The following FAM184B variants were observed in gnomAD, a reference collection of about 807,000 sequenced individuals.
The protein encoded by FAM184B is family with sequence similarity 184 member B, also known as protein FAM184B.
A neutral mutation model predicts 135.9 loss-of-function variants in FAM184B; 111 were observed. That is an observed-to-expected ratio of 0.82 (90% confidence interval 0.70 to 0.96). The LOEUF is 0.96. Among genes scored for constraint, FAM184B ranks in the 40% least tolerant of loss-of-function variants. FAM184B has a pLI of 0.00. For synonymous variants in FAM184B, 552 were observed against 524.8 expected (o/e 1.05, Z -0.71); for missense variants, 1,375 against 1,323.9 (o/e 1.04, Z -0.60).
At chr4:17,774,335 T>C (rs2108998924) in intron 1 of FAM184B, among the ~76,000 whole-genome samples, 1 of 152,264 alleles carries the variant, frequency 6.6e-6, no homozygotes, top group East Asian at 1.9e-4. Flanking sequence ...ACCACTGCAC[T>C]GCATCCTGGG....
intron 6 of FAM184B, among the ~76,000 whole-genome samples, chr4:17,688,963 G>A (rs767541302): frequency 7.9e-5 from 12 of 152,172 alleles, no homozygotes; most frequent in African/African-American, 2.4e-4. Flanking sequence ...AAAGGGCTGG[G>A]ATTATAGGCG....
chr4:17,726,018 G>A (rs563771621), intron 1 of FAM184B, among the ~76,000 whole-genome samples: 172 of 152,030 alleles, frequency 1.1e-3, no homozygotes, highest in African/African-American at 3.8e-3. Context: ...CCGCCTCCCA[G>A]GTTCACGCCA....
At chr4:17,738,158 C>G (rs1209700015) in intron 1 of FAM184B, among the ~76,000 whole-genome samples, 1 of 152,032 alleles carries the variant, frequency 6.6e-6, no homozygotes, top group Non-Finnish European at 1.5e-5. Flanking sequence ...GTGACTCAAG[C>G]CAAGCCAAGC....
At chr4:17,686,298 G>C (rs1359311237) in intron 7 of FAM184B, among the ~76,000 whole-genome samples, 1 of 152,244 alleles carries the variant, frequency 6.6e-6, no homozygotes, top group African/African-American at 2.4e-5. Context: ...CCTCAGATCA[G>C]GAAGGGGCAA....
chr4:17,677,711 A>G (rs971630825), intron 7 of FAM184B, among the ~76,000 whole-genome samples: 1 of 152,200 alleles, frequency 6.6e-6, no homozygotes, highest in Admixed American at 6.5e-5. Flanking sequence ...AGGAAAGGAC[A>G]TAACAAAAAA....
intron 7 of FAM184B, among the ~76,000 whole-genome samples, chr4:17,685,451 A>G (rs560196534): frequency 2.1e-4 from 32 of 150,062 alleles, no homozygotes; most frequent in Admixed American, 9.4e-4. Flanking sequence ...TGGGAGGCTG[A>G]GGCAGAAGAA....
intron 10 of FAM184B, among the ~76,000 whole-genome samples, chr4:17,657,594 T>C (rs112714494): frequency 4.6e-5 from 7 of 151,660 alleles, no homozygotes; most frequent in African/African-American, 1.7e-4. Flanking sequence ...AGATTATCCA[T>C]AGTTGTTTAA....
chr4:17,695,385 T>C (rs6814475), intron 5 of FAM184B, among the ~76,000 whole-genome samples: 150,339 of 152,186 alleles, frequency 0.99, 74,286 homozygotes, highest in Middle Eastern at 1. Flanking sequence ...AGGCTGGTCT[T>C]GAACTCCTAA....
chr4:17,780,686 T>A (rs1292054312), intron 1 of FAM184B, among the ~76,000 whole-genome samples: 1 of 152,112 alleles, frequency 6.6e-6, no homozygotes, highest in African/African-American at 2.4e-5. Flanking sequence ...CTAGGCTGCA[T>A]TCCAGGTTTA....
rs145143647 is a variant in FAM184B, at chr4:17,641,058, C to T, written c.2519+998G>A. Reference sequence around the variant, plus strand: ...AAGCAATCCCCCCTCACCAACCTCCCGAGTAGCCGGGACTGCAGGCATGCA... The same window carrying T: ...AAGCAATCCCCCCTCACCAACCTCCTGAGTAGCCGGGACTGCAGGCATGCA... On this transcript the variant is annotated intron_variant, in intron 13 of 17. Transcript: ENST00000265018. 3.9e-5 allele frequency among the ~76,000 whole-genome samples: 6 copies of T among 152,238 alleles called. No homozygotes were observed. In the South Asian group the frequency reaches 1.0e-3, roughly 26 times the overall value.
In FAM184B at chr4:17,629,700, C is replaced by T. The variant is rs1451173627; in HGVS notation, c.*2832G>A. The T allele has an allele frequency of 6.6e-6, 1 of 152,206 alleles. No homozygotes were observed. The highest frequency in any genetic ancestry group is 1.5e-5 in the Non-Finnish European group (1 of 68,036). The allele number at this position is 152,206 out of a possible 1,614,324, so 9.4% of individuals were successfully genotyped here. A position where few individuals can be genotyped will look rare whatever the true frequency, so the allele number is the denominator to read the frequency against. On this transcript the variant is annotated 3_prime_UTR_variant, in exon 18 of 18. Transcript: ENST00000265018. ...AATTTCTCTTCATCTTCACTGTCAC[C>T]TCTACGCCATCACTGTCATCTCTAG... is the stretch of plus-strand genomic sequence containing the variant.
intron 1 of FAM184B, among the ~76,000 whole-genome samples, chr4:17,734,493 A>G (rs1560188876): frequency 4.6e-5 from 7 of 152,282 alleles, no homozygotes; most frequent in Middle Eastern, 3.4e-3. Context: ...AAGAAAAAAC[A>G]AACAACCCCA....
rs1368503433 is a variant in FAM184B, at chr4:17,705,884, C to T, written c.1038G>A (p.Met346Ile). The change falls in exon 4 of 18, where the codon ATG becomes ATA. Residue 346 changes from methionine to isoleucine, a missense_variant. By Grantham distance (10) the Met-to-Ile change is conservative. Coordinates refer to ENST00000265018, the MANE Select transcript of FAM184B (RefSeq NM_015688.2). ...TGTTCTCTGAAACTAACTCAGTCTT[C>T]ATGGCATCTGCAAGCATACATTTCA... is the stretch of plus-strand genomic sequence containing the variant. ...ECRGTQQTDA[M>I]KTELVSENKV... is the part of the protein sequence containing the mutation. The T allele has an allele frequency of 1.3e-6, 2 of 1,552,292 alleles. No individual in the cohort carries two copies. Among genetic ancestry groups the T allele is most frequent in the East Asian group, 4.9e-5 (2 of 40,916 alleles).
At position 17,702,183 on chromosome 4, in the gene FAM184B, G is replaced by A. The variant is rs532716377; in HGVS notation, c.1377+2817C>T. Among the ~76,000 whole-genome samples, 13 of 152,220 alleles carry A rather than the reference G, an allele frequency of 8.5e-5. No homozygotes were observed. The South Asian group carries it at 1.5e-3, about 17-fold the overall frequency. ...GCCCAGTTCCTTGGTCTTCCATTAC[G>A]CTTGTTAAATTCCTTTTCTGCCTAA... On this transcript the variant is annotated intron_variant, in intron 5 of 17. Coordinates refer to ENST00000265018, the MANE Select transcript of FAM184B (RefSeq NM_015688.2).
chr4:17,703,371 A>T (rs1560180486), intron 5 of FAM184B, among the ~76,000 whole-genome samples: 2 of 151,880 alleles, frequency 1.3e-5, no homozygotes, highest in Non-Finnish European at 2.9e-5. Context: ...GGTAGCATGC[A>T]CCTGCAGCCC....
intron 10 of FAM184B, among the ~76,000 whole-genome samples, chr4:17,653,709 A>G (rs1324482773): frequency 6.6e-6 from 1 of 151,850 alleles, no homozygotes; most frequent in Non-Finnish European, 1.5e-5. Context: ...GGTTTCTGTG[A>G]GAGGCACAAA....
At chr4:17,766,018 G>C (rs993834625) in intron 1 of FAM184B, among the ~76,000 whole-genome samples, 6 of 152,232 alleles carry the variant, frequency 3.9e-5, no homozygotes, top group Middle Eastern at 3.2e-3. Flanking sequence ...CAACAGTGAA[G>C]CTGCAGACCT....
intron 7 of FAM184B, among the ~76,000 whole-genome samples, chr4:17,665,725 A>G (rs181833855): frequency 2.9e-4 from 44 of 152,268 alleles, no homozygotes; most frequent in Non-Finnish European, 4.3e-4. Context: ...GCCTTTCCAC[A>G]TACTGTATTA....
At chr4:17,660,360 G>C (rs1197095834) in intron 8 of FAM184B, among the ~76,000 whole-genome samples, 1 of 152,072 alleles carries the variant, frequency 6.6e-6, no homozygotes, top group African/African-American at 2.4e-5. Context: ...GTTTTAGTGG[G>C]TTCTTAATAA....
Sources: allele counts gnomAD v4.1 joint callset (sites outside exome capture counted in the v4.1 genomes callset), GRCh38; gene constraint gnomAD v4.1.1; transcripts MANE v1.5; gene names NCBI Gene and HGNC (gene_info 2026-07-23, HGNC 2026-07-21).